CPNE1: variants seen among roughly 807,000 people sequenced by gnomAD.
CPNE1 encodes the protein copine 1, also known as copine-1.
Under a neutral mutation model 63.2 loss-of-function variants are expected in CPNE1, and 58 were observed. The observed-to-expected ratio is 0.92, with a 90% CI of 0.74 to 1.14. CPNE1 has a LOEUF of 1.14. CPNE1 is among the 50% of genes most tolerant of loss of function. CPNE1 has a pLI of 0.00. For synonymous variants in CPNE1, 237 were observed against 249.0 expected, an observed-to-expected ratio of 0.95 and a Z score of 0.45; for missense variants, 672 against 661.7, an observed-to-expected ratio of 1.02 and a Z score of -0.17.
chr20:35,631,179 A>G lies in CPNE1; in HGVS notation c.802-6T>C, dbSNP rs1334081140. On this transcript the variant is annotated splice_polypyrimidine_tract_variant and splice_region_variant and intron_variant, in intron 9 of 15. Coordinates refer to ENST00000397443, the MANE Select transcript of CPNE1 (RefSeq NM_152925.3). ...AAGGAGTACTCTGTTTCTACCTGCA[A>G]ATGAAACCAGGGTCATGCCTGGGGT... 6 of 1,613,982 alleles carry G rather than the reference A, an allele frequency of 3.7e-6. No homozygotes were observed. The highest frequency in any genetic ancestry group is 5.1e-6 in the Non-Finnish European group (6 of 1,179,894).
chr20:35,626,605 C>G lies in CPNE1; in HGVS notation c.1435G>C (p.Asp479His). The G allele has an allele frequency of 6.2e-7, 1 of 1,614,170 alleles. No homozygotes were observed. The highest frequency in any genetic ancestry group is 8.5e-7 in the Non-Finnish European group (1 of 1,180,026). ...HTRSGQAAAR[D>H]IVQFVPYRRF... ...CGGTAGGGTACAAACTGCACAATGT[C>G]GCGGGCAGCAGCCTGCCCAGAACGT... The change falls in exon 15 of 16, where the codon GAC (aspartate) becomes CAC (histidine). Residue 479 changes from aspartate (D) to histidine (H), a missense_variant. By Grantham distance (81) the Asp-to-His change is moderately conservative. Transcript: ENST00000397443.
At chr20:35,654,977 T>G in intron 1 of CPNE1, 2 of 1,614,220 alleles carry the variant, frequency 1.2e-6, no homozygotes, top group South Asian at 2.2e-5. Context: ...AAGTTTACCC[T>G]GCTACTCATT....
At chr20:35,648,393 A>T (rs999915233) in intron 1 of CPNE1, among the ~76,000 whole-genome samples, 1 of 152,220 alleles carries the variant, frequency 6.6e-6, no homozygotes, top group Admixed American at 6.5e-5. Flanking sequence ...AGCAGGTAAC[A>T]ATGAATTACA....
At chr20:35,657,041 A>G (rs966918713) in intron 1 of CPNE1, among the ~76,000 whole-genome samples, 2 of 152,008 alleles carry the variant, frequency 1.3e-5, no homozygotes, top group Admixed American at 1.3e-4. Flanking sequence ...CAAACAAGAA[A>G]CAAACTGCTT....
intron 1 of CPNE1, among the ~76,000 whole-genome samples, chr20:35,645,568 A>G (rs2033053884): frequency 6.6e-6 from 1 of 152,212 alleles, no homozygotes; most frequent in South Asian, 2.1e-4. Flanking sequence ...CACTGCAAAA[A>G]TCTGTTAGTA....
At chr20:35,634,328 C>T (rs2032359693) in intron 1 of CPNE1, among the ~76,000 whole-genome samples, 1 of 150,766 alleles carries the variant, frequency 6.6e-6, no homozygotes, top group Non-Finnish European at 1.5e-5. Context: ...TTCCCATTTC[C>T]TACTGAGCTT....
At chr20:35,663,083 T>C (rs1479320582) in intron 1 of CPNE1, among the ~76,000 whole-genome samples, 4 of 152,206 alleles carry the variant, frequency 2.6e-5, no homozygotes, top group Admixed American at 2.6e-4. Context: ...AACATTTCAC[T>C]TTCTTCATAA....
intron 1 of CPNE1, among the ~76,000 whole-genome samples, chr20:35,634,684 G>A (rs916642650): frequency 1.3e-5 from 2 of 152,146 alleles, no homozygotes; most frequent in Admixed American, 6.6e-5. Flanking sequence ...ATCTCGGAGT[G>A]TCTCTCTTGC....
Position 35,626,699 on chromosome 20 carries a change from A to G in CPNE1, c.1341T>C (p.Ile447=). The G allele has an allele frequency of 6.2e-7, 1 of 1,614,050 alleles. No homozygotes were observed. Among genetic ancestry groups the G allele is most frequent in the Non-Finnish European group, 8.5e-7 (1 of 1,180,002 alleles). ...CAAAGTCAGCACCACCCACACCCAC[A>G]ATGATCACTGACATGGGCAGGTTCG... ...RASNLPMSVI[I]VGVGGADFEA... The change falls in exon 15 of 16, where the codon ATT becomes ATC. Residue 447 remains isoleucine, a synonymous_variant. Transcript: ENST00000397443.
At position 35,642,211 on chromosome 20, in the gene CPNE1, T is replaced by C. The variant is rs567736762; in HGVS notation, c.1-9288A>G. ...GGATCTAATTCAGTGCCAAATGAGCTGAAATTCATTTGTCAGTCCTTAACA... is the reference window on the plus strand; with the variant it reads ...GGATCTAATTCAGTGCCAAATGAGCCGAAATTCATTTGTCAGTCCTTAACA... On this transcript the variant is annotated intron_variant, in intron 1 of 15. Transcript: ENST00000397443. Among the ~76,000 whole-genome samples, 23 of 152,332 alleles carry C rather than the reference T, an allele frequency of 1.5e-4. No homozygotes were observed. The South Asian group carries it at 4.6e-3, about 30-fold the overall frequency.
chr20:35,631,113 C>G lies in CPNE1; in HGVS notation c.861+1G>C. On this transcript the variant is annotated splice_donor_variant, in intron 10 of 15. Coordinates refer to ENST00000397443, the MANE Select transcript of CPNE1 (RefSeq NM_152925.3). LOFTEE classifies it high-confidence loss of function. ...CTCTTGCCCTTGGTAAAGTAACTTACAGTGAAGTTGATCTGACAGCCTCCC... is the reference window on the plus strand; with the variant it reads ...CTCTTGCCCTTGGTAAAGTAACTTAGAGTGAAGTTGATCTGACAGCCTCCC... The G allele has an allele frequency of 6.2e-7, 1 of 1,614,136 alleles. No homozygotes were observed. The highest frequency in any genetic ancestry group is 2.2e-5 in the East Asian group (1 of 44,876).
intron 1 of CPNE1, chr20:35,650,425 T>C (rs1443986765): frequency 6.6e-6 from 1 of 152,610 alleles, no homozygotes; most frequent in African/African-American, 2.4e-5. Context: ...CCCATTTTTC[T>C]AAAATGAAAA....
At chr20:35,654,097 G>C in intron 1 of CPNE1, 3 of 1,614,190 alleles carry the variant, frequency 1.9e-6, no homozygotes, top group Non-Finnish European at 2.5e-6. Flanking sequence ...TTTTGACCTG[G>C]GAAGTGTCTG....
intron 1 of CPNE1, chr20:35,653,386 T>C (rs1415942455): frequency 3.7e-6 from 6 of 1,614,040 alleles, no homozygotes; most frequent in Non-Finnish European, 5.1e-6. Context: ...AACTGCAGGA[T>C]TACCTGGCAC....
At chr20:35,644,319 G>A (rs2032991167) in intron 1 of CPNE1, among the ~76,000 whole-genome samples, 1 of 152,162 alleles carries the variant, frequency 6.6e-6, no homozygotes, top group Non-Finnish European at 1.5e-5. Context: ...GCAGGACAGG[G>A]ACAGCCCCCA....
intron 1 of CPNE1, among the ~76,000 whole-genome samples, chr20:35,648,483 A>T (rs186866822): frequency 6.6e-6 from 1 of 152,188 alleles, no homozygotes; most frequent in South Asian, 2.1e-4. Flanking sequence ...GCCATTTTGG[A>T]TATCTGTAGG....
intron 1 of CPNE1, chr20:35,652,683 T>C (rs765919593): frequency 2.5e-6 from 4 of 1,614,212 alleles, no homozygotes; most frequent in Admixed American, 1.7e-5. Context: ...CTGGGATTAC[T>C]TGATAGCCAT....
intron 1 of CPNE1, chr20:35,653,317 C>T (rs750897223): frequency 2.5e-6 from 4 of 1,613,844 alleles, no homozygotes; most frequent in East Asian, 2.2e-5. Flanking sequence ...CAGGCCTGCA[C>T]CGGGAAGTCC....
rs1483117027 is a variant in CPNE1 at position 35,632,899 on chromosome 20, G to C, written c.25C>G (p.Gln9Glu). The C allele has an allele frequency of 3.4e-6, 3 of 872,744 alleles. No individual in the cohort carries two copies. Among genetic ancestry groups the C allele is most frequent in the South Asian group, 1.3e-5 (1 of 76,512 alleles). 54.1% of individuals were successfully genotyped at this position (872,744 alleles called of 1,614,324 possible). ...AGATGGTCACAGGAAATGGACAGCT[G>C]AACCAAGGTCACGCAGTGGGCCATC... MAHCVTLV[Q>E]LSISCDHLID... is the part of the protein sequence containing the mutation. Residue 9 changes from glutamine to glutamate, a missense_variant, in exon 2 of 16, where the codon CAG (glutamine) becomes GAG (glutamate). Physicochemically the swap from Gln to Glu is conservative, Grantham distance 29. Coordinates refer to ENST00000397443, the MANE Select transcript of CPNE1 (RefSeq NM_152925.3).
Sources: allele counts gnomAD v4.1 joint callset (sites outside exome capture counted in the v4.1 genomes callset), GRCh38; gene constraint gnomAD v4.1.1; transcripts MANE v1.5; gene names NCBI Gene and HGNC (gene_info 2026-07-23, HGNC 2026-07-21).